The following CSMD1 variants were observed in gnomAD, a reference collection of about 807,000 sequenced individuals.
CSMD1 encodes the protein CUB and sushi domain-containing protein 1.
A neutral mutation model predicts 417.5 loss-of-function variants in CSMD1; 213 were observed. The ratio of observed to expected loss-of-function variants is 0.51; its 90% CI spans 0.46 to 0.57. CSMD1 has a LOEUF of 0.57. CSMD1 is among the 20% of genes least tolerant of loss of function. The pLI is 0.00. For synonymous variants in CSMD1, 2,862 were observed against 1,736.8 expected, an observed-to-expected ratio of 1.65 and a Z score of -16.11; for missense variants, 6,923 against 4,529.7, an observed-to-expected ratio of 1.53 and a Z score of -15.17.
chr8:3,374,159 G>T (rs181593555), intron 18 of CSMD1, among the ~76,000 whole-genome samples: 2 of 147,536 alleles, frequency 1.4e-5, no homozygotes, highest in Non-Finnish European at 3.0e-5. Context: ...TCACCTTGTT[G>T]TCCCGGCTAG....
intron 59 of CSMD1, among the ~76,000 whole-genome samples, chr8:2,963,614 A>T (rs1458696241): frequency 6.6e-6 from 1 of 152,246 alleles, no homozygotes; most frequent in Non-Finnish European, 1.5e-5. Context: ...CTATAAAAGC[A>T]AAGTCAAGTC....
At chr8:4,960,917 T>C (rs977009631) in intron 1 of CSMD1, among the ~76,000 whole-genome samples, 24 of 152,182 alleles carry the variant, frequency 1.6e-4, no homozygotes, top group African/African-American at 5.8e-4. Context: ...TTACAATGCA[T>C]GTGGCTGTTA....
At chr8:3,600,383 C>A (rs1801304957) in intron 8 of CSMD1, among the ~76,000 whole-genome samples, 1 of 152,114 alleles carries the variant, frequency 6.6e-6, no homozygotes, top group South Asian at 2.1e-4. Flanking sequence ...ATCTAACTAG[C>A]TACTCTATTT....
chr8:3,501,283 TAC>T (rs1563098518), intron 10 of CSMD1, among the ~76,000 whole-genome samples: 2 of 151,954 alleles, frequency 1.3e-5, no homozygotes, highest in Admixed American at 1.3e-4. Context: ...TGCACACACA[TAC>T]ACACACACCC....
At chr8:4,588,695 G>C (rs992566664) in intron 2 of CSMD1, among the ~76,000 whole-genome samples, 2 of 151,820 alleles carry the variant, frequency 1.3e-5, no homozygotes, top group Non-Finnish European at 2.9e-5. Flanking sequence ...TGAGGCACAA[G>C]AATCGCTTGA....
intron 50 of CSMD1, among the ~76,000 whole-genome samples, chr8:3,037,795 G>C (rs1167154527): frequency 6.6e-6 from 1 of 152,116 alleles, no homozygotes; most frequent in African/African-American, 2.4e-5. Flanking sequence ...TAATTTATGG[G>C]CTCACCTGAG....
At chr8:4,198,903 C>A (rs985567937) in intron 3 of CSMD1, among the ~76,000 whole-genome samples, 18 of 152,076 alleles carry the variant, frequency 1.2e-4, no homozygotes, top group African/African-American at 3.1e-4. Context: ...ACTATTTTTA[C>A]TTTCCTTCCA....
intron 3 of CSMD1, among the ~76,000 whole-genome samples, chr8:4,348,586 CAT>C (rs1491300996): frequency 8.7e-6 from 1 of 114,724 alleles, no homozygotes; most frequent in Non-Finnish European, 1.7e-5. Flanking sequence ...TGTGTGTATG[CAT>C]GTGTGTGTGC....
chr8:4,836,554 G>C (rs529751900), intron 1 of CSMD1, among the ~76,000 whole-genome samples: 9 of 152,152 alleles, frequency 5.9e-5, no homozygotes, highest in Non-Finnish European at 1.0e-4. Flanking sequence ...GACACAGAGA[G>C]GTTTGAACTT....
chr8:4,051,879 T>TC (rs1449432063), intron 3 of CSMD1, among the ~76,000 whole-genome samples: 1,627 of 61,918 alleles, frequency 0.026, 36 homozygotes, highest in African/African-American at 0.069. Flanking sequence ...CTTCCTCCTT[T>TC]CTTCCTTCCT....
intron 6 of CSMD1, among the ~76,000 whole-genome samples, chr8:3,742,726 G>C (rs1270829784): frequency 6.6e-6 from 1 of 152,040 alleles, no homozygotes; most frequent in South Asian, 2.1e-4. Flanking sequence ...ATCAGAGAGA[G>C]AGAGAGAGAG....
At chr8:3,647,180 A>C (rs1449510435) in intron 7 of CSMD1, among the ~76,000 whole-genome samples, 1 of 152,176 alleles carries the variant, frequency 6.6e-6, no homozygotes, top group Non-Finnish European at 1.5e-5. Flanking sequence ...CTCAAGTTCA[A>C]GAGGCACATG....
chr8:3,643,418 C>G (rs1797405896), intron 7 of CSMD1, among the ~76,000 whole-genome samples: 1 of 152,102 alleles, frequency 6.6e-6, no homozygotes, highest in Admixed American at 6.6e-5. Context: ...AATGCCTCCT[C>G]TGGGCCGGAC....
chr8:4,026,013 A>T (rs962639752), intron 4 of CSMD1, among the ~76,000 whole-genome samples: 6 of 145,816 alleles, frequency 4.1e-5, no homozygotes, highest in East Asian at 3.9e-4. Context: ...GAACTCTATA[A>T]AAAAAAAAAA....
chr8:3,466,764 T>C (rs550184170), intron 12 of CSMD1, among the ~76,000 whole-genome samples: 2 of 152,196 alleles, frequency 1.3e-5, no homozygotes, highest in South Asian at 2.1e-4. Flanking sequence ...ATAACTTTGC[T>C]TTGAGTCAAA....
intron 10 of CSMD1, among the ~76,000 whole-genome samples, chr8:3,565,515 A>G (rs1248011004): frequency 6.6e-6 from 1 of 152,176 alleles, no homozygotes; most frequent in Non-Finnish European, 1.5e-5. Context: ...AATGTCTTAA[A>G]CCAATATATA....
At chr8:4,097,818 T>C (rs1223621099) in intron 3 of CSMD1, among the ~76,000 whole-genome samples, 1 of 152,218 alleles carries the variant, frequency 6.6e-6, no homozygotes. Flanking sequence ...GTGGGTTATG[T>C]TTGCCCTGTC....
chr8:4,229,015 G>C (rs983827703), intron 3 of CSMD1, among the ~76,000 whole-genome samples: 2 of 152,136 alleles, frequency 1.3e-5, no homozygotes, highest in Non-Finnish European at 2.9e-5. Flanking sequence ...ATGAAATTGA[G>C]ACACATATAT....
At chr8:4,668,662 G>T in intron 1 of CSMD1, among the ~76,000 whole-genome samples, 1 of 151,802 alleles carries the variant, frequency 6.6e-6, no homozygotes, top group East Asian at 1.9e-4. Context: ...GTGTTAGCCA[G>T]GATGTTCTCG....
Sources: allele counts gnomAD v4.1 joint callset (sites outside exome capture counted in the v4.1 genomes callset), GRCh38; gene constraint gnomAD v4.1.1; transcripts MANE v1.5; gene names NCBI Gene and HGNC (gene_info 2026-07-23, HGNC 2026-07-21).